The following RPH3A variants were observed in gnomAD, a reference collection of about 807,000 sequenced individuals.
RPH3A encodes rabphilin 3A.
RPH3A carries 48 observed loss-of-function variants against 102.2 expected under a neutral mutation model. The ratio of observed to expected loss-of-function variants is 0.47; its 90% CI spans 0.37 to 0.60. RPH3A has a LOEUF of 0.60. RPH3A is among the 20% of genes least tolerant of loss of function. The pLI is 0.00. For synonymous variants in RPH3A, 310 were observed against 324.3 expected (o/e 0.96, Z 0.47); for missense variants, 781 against 910.1 (o/e 0.86, Z 1.83).
intron 1 of RPH3A, among the ~76,000 whole-genome samples, chr12:112,729,708 A>T (rs972488443): frequency 1.3e-5 from 2 of 152,226 alleles, no homozygotes; most frequent in African/African-American, 4.8e-5. Flanking sequence ...AGTTTTACCC[A>T]TACCACTGGC....
At chr12:112,700,574 A>G (rs964134324) in intron 1 of RPH3A, among the ~76,000 whole-genome samples, 3 of 152,106 alleles carry the variant, frequency 2.0e-5, no homozygotes, top group African/African-American at 7.2e-5. Flanking sequence ...CTCTATGGGA[A>G]TTACACTCTC....
intron 1 of RPH3A, among the ~76,000 whole-genome samples, chr12:112,776,612 C>A (rs904771258): frequency 6.6e-6 from 1 of 152,004 alleles, no homozygotes; most frequent in Admixed American, 6.5e-5. Context: ...CAATGGCTCA[C>A]GCCTGTAATC....
At chr12:112,728,850 T>C (rs2040613769) in intron 1 of RPH3A, among the ~76,000 whole-genome samples, 1 of 152,184 alleles carries the variant, frequency 6.6e-6, no homozygotes, top group South Asian at 2.1e-4. Context: ...ATTTCTCTAA[T>C]GAAAGTTTGG....
At chr12:112,659,521 T>C (rs2040035555) in intron 1 of RPH3A, among the ~76,000 whole-genome samples, 1 of 152,214 alleles carries the variant, frequency 6.6e-6, no homozygotes, top group Non-Finnish European at 1.5e-5. Flanking sequence ...GGGTGGCACA[T>C]GATTTTGATC....
chr12:112,821,081 C>T (rs984148942), intron 2 of RPH3A, among the ~76,000 whole-genome samples: 1 of 152,164 alleles, frequency 6.6e-6, no homozygotes, highest in Admixed American at 6.5e-5. Flanking sequence ...CAGCCTGTAC[C>T]GTCTGGACGG....
intron 2 of RPH3A, among the ~76,000 whole-genome samples, chr12:112,803,396 A>G (rs918744980): frequency 4.6e-5 from 7 of 152,042 alleles, no homozygotes; most frequent in African/African-American, 1.7e-4. Flanking sequence ...GTGCTTCTTC[A>G]TGGAGTCACA....
intron 1 of RPH3A, among the ~76,000 whole-genome samples, chr12:112,606,398 G>GT (rs918780988): frequency 7.9e-5 from 12 of 151,652 alleles, no homozygotes; most frequent in East Asian, 1.9e-4. Flanking sequence ...GTTTGTTTTT[G>GT]TTTTTTTTGA....
intron 1 of RPH3A, among the ~76,000 whole-genome samples, chr12:112,674,447 T>G (rs956710671): frequency 6.6e-6 from 1 of 152,210 alleles, no homozygotes; most frequent in Non-Finnish European, 1.5e-5. Flanking sequence ...TTAGTGGATT[T>G]TGCTGCAGTG....
At chr12:112,868,026 C>CCCA (rs2042641167) in intron 7 of RPH3A, 1 of 168,526 alleles carries the variant, frequency 5.9e-6, no homozygotes, top group African/African-American at 2.4e-5. Context: ...AGGAGAAAGG[C>CCCA]CAGAGGTCTT....
intron 1 of RPH3A, among the ~76,000 whole-genome samples, chr12:112,730,001 G>GTACACACACACACACACA (rs1285038057): frequency 2.6e-5 from 4 of 151,742 alleles, no homozygotes; most frequent in Non-Finnish European, 5.9e-5. Context: ...AACTGGACAC[G>GTACACACACACACACACA]TACACACACA....
chr12:112,582,085 C>T (rs953963229), intron 1 of RPH3A, among the ~76,000 whole-genome samples: 6 of 147,666 alleles, frequency 4.1e-5, no homozygotes, highest in African/African-American at 1.0e-4. Flanking sequence ...TTCCATCATC[C>T]GAAGAACCAA....
At position 112,875,123 on chromosome 12, in the gene RPH3A, C is replaced by T. The variant is rs2042771887; in HGVS notation, c.836C>T (p.Ala279Val). 5.6e-6 allele frequency: 9 copies of T among 1,610,250 alleles called. No individual in the cohort carries two copies. The highest frequency in any genetic ancestry group is 2.2e-5 in the East Asian group (1 of 44,768). Reference protein sequence around the residue: ...RANSVQASRPAPGSVQSPAPP... With the variant: ...RANSVQASRPVPGSVQSPAPP... Reference sequence around the variant, plus strand: ...AACTCAGTCCAGGCCTCCAGACCTGCCCCAGGCTCGGTGCAGAGCCCAGCG... The same window carrying T: ...AACTCAGTCCAGGCCTCCAGACCTGTCCCAGGCTCGGTGCAGAGCCCAGCG... The change falls in exon 11 of 22, where the codon GCC becomes GTC. Residue 279 changes from alanine (A) to valine (V), a missense_variant. Ala to Val is a moderately conservative substitution (Grantham distance 64). Coordinates refer to ENST00000389385, the MANE Select transcript of RPH3A (RefSeq NM_001143854.2).
At chr12:112,884,934 G>C (rs1651248682) in intron 16 of RPH3A, among the ~76,000 whole-genome samples, 1 of 152,048 alleles carries the variant, frequency 6.6e-6, no homozygotes, top group Admixed American at 6.6e-5. Context: ...AGTTAATTTT[G>C]TCTGTTTTTG....
At chr12:112,659,894 A>G (rs1413044549) in intron 1 of RPH3A, among the ~76,000 whole-genome samples, 1 of 152,096 alleles carries the variant, frequency 6.6e-6, no homozygotes, top group Non-Finnish European at 1.5e-5. Context: ...CTCCAGTTTC[A>G]TCTTGCACTT....
chr12:112,854,211 A>C (rs1005096240), intron 5 of RPH3A, among the ~76,000 whole-genome samples: 5 of 152,224 alleles, frequency 3.3e-5, no homozygotes, highest in Non-Finnish European at 4.4e-5. Flanking sequence ...ACAACTAAAA[A>C]TGTCTCCAGA....
At chr12:112,776,545 A>G (rs1417499518) in intron 1 of RPH3A, among the ~76,000 whole-genome samples, 1 of 152,040 alleles carries the variant, frequency 6.6e-6, no homozygotes, top group Non-Finnish European at 1.5e-5. Context: ...TGGTAGAGGC[A>G]GGGATGAGAG....
At chr12:112,692,579 C>T (rs985817281) in intron 1 of RPH3A, among the ~76,000 whole-genome samples, 2 of 151,982 alleles carry the variant, frequency 1.3e-5, no homozygotes, top group Non-Finnish European at 2.9e-5. Flanking sequence ...GATCATGCAC[C>T]GAGAAAGTGA....
At chr12:112,735,451 A>G (rs773903065) in intron 1 of RPH3A, among the ~76,000 whole-genome samples, 16 of 152,362 alleles carry the variant, frequency 1.1e-4, no homozygotes, top group Middle Eastern at 6.8e-3. Context: ...ACCTAGCAGA[A>G]AAAAGCCTCT....
At chr12:112,811,011 A>T (rs1401824937) in intron 2 of RPH3A, among the ~76,000 whole-genome samples, 1 of 151,924 alleles carries the variant, frequency 6.6e-6, no homozygotes, top group East Asian at 1.9e-4. Flanking sequence ...AGCGAGAGGG[A>T]GTCAATTCCC....
Sources: gnomAD v4.1 joint callset for allele counts (sites outside exome capture counted in the v4.1 genomes callset) on GRCh38, gnomAD v4.1.1 for gene constraint, MANE v1.5 for transcripts, NCBI Gene and HGNC (gene_info 2026-07-23, HGNC 2026-07-21) for gene names.